RPTOR: variants seen among roughly 807,000 people sequenced by gnomAD.
The protein encoded by RPTOR is regulatory associated protein of MTOR complex 1.
Under a neutral mutation model 169.9 loss-of-function variants are expected in RPTOR, and 21 were observed. That is an observed-to-expected ratio of 0.12 (90% CI 0.09 to 0.18). RPTOR has a LOEUF of 0.18. Ranked by LOEUF, RPTOR falls within the 10% of genes least tolerant of loss-of-function variation. The pLI, the probability that RPTOR is intolerant of heterozygous loss-of-function variation, is 1.00. For missense variants in RPTOR, 1,133 were observed against 1,855.9 expected, an observed-to-expected ratio of 0.61 and a Z score of 7.16; for synonymous variants, 732 against 753.2, an observed-to-expected ratio of 0.97 and a Z score of 0.46.
At chr17:80,776,569 C>A (rs1489490938) in intron 6 of RPTOR, among the ~76,000 whole-genome samples, 1 of 152,100 alleles carries the variant, frequency 6.6e-6, no homozygotes, top group Non-Finnish European at 1.5e-5. Flanking sequence ...TGTGATCCGT[C>A]CGCCTCGGCC....
rs112547471 is a variant in RPTOR, at chr17:80,933,671, A to C, written c.2920-6825A>C. Among the ~76,000 whole-genome samples, 17 of 152,344 alleles carry C rather than the reference A, an allele frequency of 1.1e-4. No individual in the cohort carries two copies. In the South Asian group the frequency reaches 3.1e-3, roughly 28 times the overall value. On this transcript the variant is annotated intron_variant, in intron 24 of 33. Transcript: ENST00000306801. ...TAACAAAAGAAAAATGTAAGAGACA[A>C]ACATACTGAACAACTCACGCTTCCT... is the stretch of plus-strand genomic sequence containing the variant.
At chr17:80,925,170 C>T (rs2068796200) in intron 23 of RPTOR, among the ~76,000 whole-genome samples, 200 bp from the exon 24 acceptor site, 2 of 152,194 alleles carry the variant, frequency 1.3e-5, no homozygotes, top group African/African-American at 4.8e-5. Context: ...AGCCCGGGCC[C>T]CTCAATCCCT....
rs557976466 is a variant in RPTOR, at chr17:80,652,571, C to A, written c.348+8761C>A. 2.0e-5 allele frequency among the ~76,000 whole-genome samples: 3 copies of A among 152,344 alleles called. No homozygotes were observed. In the East Asian group the frequency reaches 5.8e-4, roughly 29 times the overall value. ...TCTTGAACCCCTGGCTTCAAGTGAT[C>A]ATCCTGCTTCAGCCTCAACTCTTTC... On this transcript the variant is annotated intron_variant, in intron 3 of 33. Transcript: ENST00000306801.
chr17:80,566,143 T>A (rs1262434821), intron 1 of RPTOR, among the ~76,000 whole-genome samples: 1 of 152,216 alleles, frequency 6.6e-6, no homozygotes, highest in Non-Finnish European at 1.5e-5. Flanking sequence ...CTGAGTGTTT[T>A]CATCAATCAA....
intron 23 of RPTOR, among the ~76,000 whole-genome samples, chr17:80,925,039 G>A (rs987687162): frequency 6.6e-6 from 1 of 152,192 alleles, no homozygotes; most frequent in Admixed American, 6.5e-5. Flanking sequence ...GCTTTTTGGG[G>A]GTTGATAAAC....
chr17:80,862,427 A>G (rs1352517709), intron 13 of RPTOR, among the ~76,000 whole-genome samples: 3 of 150,464 alleles, frequency 2.0e-5, no homozygotes, highest in Non-Finnish European at 4.4e-5. Context: ...TCCCCTCCCC[A>G]CGTCTGGCCA....
chr17:80,963,375 TCCCTGTGCGGCCCTCACCCCGTC>T (rs1568014812), intron 33 of RPTOR, among the ~76,000 whole-genome samples: 17 of 150,142 alleles, frequency 1.1e-4, no homozygotes, highest in African/African-American at 3.7e-4. Context: ...GGGGTGTCCA[TCCCTGTGCGGCCCTCACCCCGTC>T]CCCTGTGCGG....
chr17:80,621,623 C>G (rs899852232), intron 1 of RPTOR, among the ~76,000 whole-genome samples: 1 of 152,206 alleles, frequency 6.6e-6, no homozygotes, highest in South Asian at 2.1e-4. Flanking sequence ...CTGGATTCCT[C>G]GCTGGGAGGG....
intron 6 of RPTOR, among the ~76,000 whole-genome samples, chr17:80,777,235 CAAA>C (rs796854498): frequency 8.2e-6 from 1 of 122,180 alleles, no homozygotes; most frequent in Admixed American, 8.4e-5. Context: ...AAGACCCTCT[CAAA>C]AAAAAAAAAA....
Position 80,957,769 on chromosome 17 carries a change from G to A in RPTOR, c.3477+39G>A. 8 of 1,575,508 alleles carry A rather than the reference G, an allele frequency of 5.1e-6. No homozygotes were observed. Among genetic ancestry groups the A allele is most frequent in the Non-Finnish European group, 7.0e-6 (8 of 1,145,420 alleles). On this transcript the variant is annotated intron_variant, in intron 29 of 33. Transcript: ENST00000306801. This position sits in a 1 kb window ranked among gnomAD's most constrained non-coding sequence, Gnocchi z 4.6. ...TGTCCCCCAAGCCCTGGGCCTGTGG[G>A]GCAGTGTGTGCAGGGCTGGTCCTCG...
chr17:80,626,055 A>AT (rs1437009478), intron 2 of RPTOR, among the ~76,000 whole-genome samples: 2 of 151,886 alleles, frequency 1.3e-5, no homozygotes, highest in African/African-American at 4.8e-5. Flanking sequence ...TTTTTTATTT[A>AT]TTATTATTAT....
In RPTOR at chr17:80,759,705, A is replaced by G. The variant is rs960857625; in HGVS notation, c.830+5520A>G. On this transcript the variant is annotated intron_variant, in intron 6 of 33. Coordinates refer to ENST00000306801, the MANE Select transcript of RPTOR (RefSeq NM_020761.3). ...TTTTTTTTTTTAATGGAAGAGTGAG[A>G]TAGTTTGTCAGACAGTAATTACGTA... 1.1e-4 allele frequency among the ~76,000 whole-genome samples: 16 copies of G among 152,020 alleles called. No homozygotes were observed. The East Asian group carries it at 3.1e-3, about 29-fold the overall frequency.
chr17:80,822,745 T>C (rs916071238), intron 8 of RPTOR, among the ~76,000 whole-genome samples: 1 of 150,958 alleles, frequency 6.6e-6, no homozygotes, highest in African/African-American at 2.5e-5. Context: ...CGTGTGTATA[T>C]GCATATTTGT....
chr17:80,922,944 C>T (rs1326702235), intron 22 of RPTOR, 117 bp downstream of exon 22: 7 of 801,840 alleles, frequency 8.7e-6, no homozygotes, highest in African/African-American at 1.7e-5. Flanking sequence ...TTGGCTTCGT[C>T]TCCTCCCCCC....
chr17:80,932,268 G>A (rs2068907492), intron 24 of RPTOR, among the ~76,000 whole-genome samples: 1 of 152,030 alleles, frequency 6.6e-6, no homozygotes, highest in African/African-American at 2.4e-5. Flanking sequence ...CACTTTGGAA[G>A]GCCAAGACAA....
chr17:80,712,736 A>G (rs2066205636), intron 4 of RPTOR, among the ~76,000 whole-genome samples: 1 of 152,196 alleles, frequency 6.6e-6, no homozygotes, highest in Admixed American at 6.5e-5. Context: ...TTTATAAGGA[A>G]CTGTGAAGCT....
chr17:80,744,070 C>G (rs1158396792), intron 5 of RPTOR, among the ~76,000 whole-genome samples: 1 of 65,598 alleles, frequency 1.5e-5, no homozygotes, highest in African/African-American at 5.3e-5. Flanking sequence ...GCTACTAGCA[C>G]TGTCCTGGTT....
intron 27 of RPTOR, chr17:80,948,748 C>T (rs988765226): frequency 6.6e-6 from 1 of 152,508 alleles, no homozygotes; most frequent in Non-Finnish European, 1.5e-5. Flanking sequence ...CTGGTGAGGC[C>T]AGGGGGTGCG....
intron 3 of RPTOR, among the ~76,000 whole-genome samples, chr17:80,704,240 A>C (rs775828370): frequency 1.8e-4 from 28 of 152,236 alleles, no homozygotes; most frequent in Non-Finnish European, 3.4e-4. Flanking sequence ...GCCTGTAGCC[A>C]AGGTCGTGAC....
Sources: allele counts gnomAD v4.1 joint callset (sites outside exome capture counted in the v4.1 genomes callset), GRCh38; gene constraint gnomAD v4.1.1; non-coding constraint Gnocchi (gnomAD v3.1); transcripts MANE v1.5; gene names NCBI Gene and HGNC (gene_info 2026-07-23, HGNC 2026-07-21).